Variants in TBXAS1 observed in about 807,000 individuals in gnomAD.
TBXAS1 encodes the protein thromboxane A synthase 1, also known as thromboxane-A synthase.
In TBXAS1, 48 loss-of-function variants were observed where a neutral mutation model predicts 60.7. The observed-to-expected ratio is 0.79, with a 90% CI of 0.63 to 1.01. The LOEUF is 1.01. Among genes scored for constraint, TBXAS1 ranks in the 50% least tolerant of loss-of-function variants. TBXAS1 has a pLI of 0.00. For missense variants in TBXAS1, 685 were observed against 686.3 expected (o/e 1.00, Z 0.02); for synonymous variants, 287 against 269.7 (o/e 1.06, Z -0.63).
intron 10 of TBXAS1, among the ~76,000 whole-genome samples, chr7:140,008,082 C>G (rs1814233961): frequency 6.6e-6 from 1 of 152,184 alleles, no homozygotes; most frequent in South Asian, 2.1e-4. Context: ...CCACTCAACA[C>G]TTTTATGAAT....
chr7:139,866,486 G>C (rs1801426126), intron 1 of TBXAS1, among the ~76,000 whole-genome samples: 1 of 151,868 alleles, frequency 6.6e-6, no homozygotes, highest in South Asian at 2.1e-4. Context: ...AGGCACAGTG[G>C]CTCTTGCCTG....
At chr7:139,803,137 G>A (rs764965120) in intron 4 of TBXAS1, among the ~76,000 whole-genome samples, 5 of 152,208 alleles carry the variant, frequency 3.3e-5, no homozygotes, top group East Asian at 1.9e-4. Flanking sequence ...AGGCTCAGAC[G>A]AAGACAGGAA....
intron 4 of TBXAS1, among the ~76,000 whole-genome samples, chr7:139,813,109 A>AAAATAAAATT (rs1798061027): frequency 2.7e-5 from 4 of 148,552 alleles, no homozygotes. Context: ...AAAATAAAAT[A>AAAATAAAATT]AAATAAAATA....
chr7:139,942,643 C>T (rs1808382458), intron 5 of TBXAS1, among the ~76,000 whole-genome samples: 1 of 152,200 alleles, frequency 6.6e-6, no homozygotes, highest in Non-Finnish European at 1.5e-5. Flanking sequence ...GACAATGAAT[C>T]TTCATAGATG....
intron 3 of TBXAS1, among the ~76,000 whole-genome samples, chr7:139,892,893 C>CT (rs1372976384): frequency 6.6e-6 from 1 of 152,140 alleles, no homozygotes; most frequent in Non-Finnish European, 1.5e-5. Flanking sequence ...ACTCCTCCGC[C>CT]TGGGTAAGGG....
intron 4 of TBXAS1, among the ~76,000 whole-genome samples, chr7:139,925,782 G>C (rs759907194): frequency 6.6e-6 from 1 of 152,142 alleles, no homozygotes; most frequent in East Asian, 1.9e-4. Context: ...CTGTGGGTCT[G>C]TTGTAAATGG....
chr7:139,984,619 AGAG>A lies in TBXAS1; in HGVS notation c.1134+22387_1134+22389del, dbSNP rs1569522246. The stretch of plus-strand genomic sequence containing the variant: ...AAATAAAAAAATAAGAAAGAAAGAG[AGAG>A]AGAGAGAGAGAGAGAGAGAGAAAGA... On this transcript the variant is annotated intron_variant, in intron 9 of 12. Coordinates refer to ENST00000448866, the MANE Select transcript of TBXAS1 (RefSeq NM_001061.7). 9.6e-5 allele frequency among the ~76,000 whole-genome samples: 11 copies of A among 114,404 alleles called. 2 individuals carry two copies. Among genetic ancestry groups the A allele is most frequent in the Admixed American group, 2.0e-4 (2 of 10,160 alleles). The allele number at this position is 114,404 out of a possible 152,430, so 75.1% of individuals were successfully genotyped here. A position where few individuals can be genotyped will look rare whatever the true frequency, so the allele number is the denominator to read the frequency against.
At chr7:139,822,779 T>A (rs958592972) in intron 4 of TBXAS1, among the ~76,000 whole-genome samples, 5 of 152,156 alleles carry the variant, frequency 3.3e-5, no homozygotes, top group Admixed American at 6.5e-5. Context: ...CAGCCCTCTC[T>A]TGCTCATTTC....
chr7:139,807,595 G>A (rs889945699), intron 4 of TBXAS1, among the ~76,000 whole-genome samples: 6 of 152,094 alleles, frequency 3.9e-5, no homozygotes, highest in Admixed American at 6.5e-5. Flanking sequence ...ATGTTGGCCA[G>A]GATGGTCTCG....
At chr7:139,952,678 T>C in intron 5 of TBXAS1, 1 of 1,526,862 alleles carries the variant, frequency 6.5e-7, no homozygotes, top group Non-Finnish European at 8.7e-7. Flanking sequence ...TATGCCACTC[T>C]ACCTTTCTGT....
intron 1 of TBXAS1, among the ~76,000 whole-genome samples, chr7:139,846,101 G>A (rs919317787): frequency 1.3e-5 from 2 of 152,072 alleles, no homozygotes; most frequent in Admixed American, 6.6e-5. Flanking sequence ...CTGGGCTGTG[G>A]GTTGAAGTTC....
chr7:139,872,811 T>C (rs1406483576), intron 2 of TBXAS1, among the ~76,000 whole-genome samples: 1 of 152,240 alleles, frequency 6.6e-6, no homozygotes, highest in Admixed American at 6.5e-5. Flanking sequence ...TGAATTGTTA[T>C]GTGATGGCAA....
chr7:139,915,609 G>A (rs947517766), intron 4 of TBXAS1, among the ~76,000 whole-genome samples: 15 of 152,314 alleles, frequency 9.8e-5, no homozygotes, highest in Admixed American at 9.8e-4. Flanking sequence ...GTGGAGAAGG[G>A]CCCTGATTTG....
chr7:139,978,784 A>T lies in TBXAS1; in HGVS notation c.1134+16551A>T, dbSNP rs1237326902. On this transcript the variant is annotated intron_variant, in intron 9 of 12. Transcript: ENST00000448866. ...GAAACCCCTGCCTCTACAAAAAAAA[A>T]AAAAAAAAAAAAAATCAAAAATTAG... Among the ~76,000 whole-genome samples, 3 of 94,346 alleles carry T rather than the reference A, an allele frequency of 3.2e-5. No individual in the cohort carries two copies. In the Admixed American group the frequency reaches 3.4e-4, roughly 11 times the overall value. The allele number at this position is 94,346 out of a possible 152,430, so 61.9% of individuals were successfully genotyped here. A position where few individuals can be genotyped will look rare whatever the true frequency, so the allele number is the denominator to read the frequency against.
At chr7:139,929,574 C>T (rs1807152964) in intron 4 of TBXAS1, among the ~76,000 whole-genome samples, 1 of 152,156 alleles carries the variant, frequency 6.6e-6, no homozygotes, top group South Asian at 2.1e-4. Context: ...AAAAATTGAA[C>T]ATACTGACAT....
At chr7:139,980,216 C>T (rs570620470) in intron 9 of TBXAS1, among the ~76,000 whole-genome samples, 39 of 152,276 alleles carry the variant, frequency 2.6e-4, no homozygotes, top group African/African-American at 9.4e-4. Flanking sequence ...GTTAAATTTC[C>T]ATACATGCTT....
chr7:139,883,887 T>C (rs115323486), intron 3 of TBXAS1, among the ~76,000 whole-genome samples: 2,358 of 152,350 alleles, frequency 0.015, 33 homozygotes, highest in African/African-American at 0.034. Flanking sequence ...GTATTCTATC[T>C]GTAAAAAATA....
rs769531447 is a variant in TBXAS1, at chr7:139,829,325, T to C, written c.-66T>C. The stretch of plus-strand genomic sequence containing the variant: ...TTCTACCTGCAGAGCACGGTTCCCA[T>C]AAGGGCGGCGAGATCAGCCTCCTGT... On this transcript the variant is annotated 5_prime_UTR_variant, in exon 1 of 13. It removes the in-frame stop codon of an upstream open reading frame in the 5' UTR. Transcript: ENST00000448866. The C allele has an allele frequency of 2.7e-6, 4 of 1,495,378 alleles. No individual in the cohort carries two copies. Among genetic ancestry groups the C allele is most frequent in the South Asian group, 2.3e-5 (2 of 85,248 alleles). The allele number at this position is 1,495,378 out of a possible 1,614,324, so 92.6% of individuals were successfully genotyped here. A position where few individuals can be genotyped will look rare whatever the true frequency, so the allele number is the denominator to read the frequency against.
intron 4 of TBXAS1, 81 bp downstream of exon 4, chr7:139,911,402 T>A: frequency 8.1e-7 from 1 of 1,237,566 alleles, no homozygotes; most frequent in South Asian, 1.2e-5. Flanking sequence ...CCAATGGGGA[T>A]GCAATCAGGC....
Sources: allele counts gnomAD v4.1 joint callset (sites outside exome capture counted in the v4.1 genomes callset), GRCh38; gene constraint gnomAD v4.1.1; transcripts MANE v1.5; gene names NCBI Gene and HGNC (gene_info 2026-07-23, HGNC 2026-07-21).